The following SIK2 variants were observed in gnomAD, a reference collection of about 807,000 sequenced individuals.
SIK2 encodes the protein serine/threonine-protein kinase SIK2.
Under a neutral mutation model 103.2 loss-of-function variants are expected in SIK2, and 29 were observed. The ratio of observed to expected loss-of-function variants is 0.28; its 90% confidence interval spans 0.21 to 0.38. The LOEUF (loss-of-function observed/expected upper bound fraction) is 0.38. SIK2 is among the 10% of genes least tolerant of loss of function. The pLI, the probability that SIK2 is intolerant of heterozygous loss-of-function variation, is 1.00. For synonymous variants in SIK2, 412 were observed against 446.1 expected (o/e 0.92, Z 0.96); for missense variants, 879 against 1,171.0 (o/e 0.75, Z 3.64).
chr11:111,704,993 C>T lies in SIK2; in HGVS notation c.955C>T (p.Gln319Ter), dbSNP rs1378163924. 6.2e-7 allele frequency: 1 copy of T among 1,600,860 alleles called. No homozygotes were observed. Among genetic ancestry groups the T allele is most frequent in the Admixed American group, 1.7e-5 (1 of 57,384 alleles). ...IDQQKTIESL[Q>*]NKSYNHFAAI... is the part of the protein sequence containing the mutation. ...CACTTGTTTTTTATTTCAGTCTTTG[C>T]AGAACAAGAGCTATAACCACTTTGC... Residue 319 changes from glutamine (Q) to a stop codon, truncating the protein, a stop_gained, in exon 8 of 15, where the codon CAG (glutamine) becomes TAG (stop). Transcript: ENST00000304987. LOFTEE classifies it high-confidence loss of function.
intron 4 of SIK2, among the ~76,000 whole-genome samples, chr11:111,699,700 G>T (rs182276116): frequency 2.3e-4 from 35 of 152,292 alleles, no homozygotes; most frequent in Non-Finnish European, 4.6e-4. Flanking sequence ...TTTGCCTAAG[G>T]TGCACATGTA....
chr11:111,632,689 C>T (rs968956584), intron 3 of SIK2, among the ~76,000 whole-genome samples: 4 of 152,004 alleles, frequency 2.6e-5, no homozygotes, highest in Non-Finnish European at 4.4e-5. Flanking sequence ...GATTATATGC[C>T]GCCTTAGAGT....
chr11:111,628,381 C>T (rs1406765251), intron 3 of SIK2, among the ~76,000 whole-genome samples: 1 of 136,680 alleles, frequency 7.3e-6, no homozygotes, highest in East Asian at 2.3e-4. Flanking sequence ...CCACTCCTCC[C>T]CCATTTTCTC....
intron 3 of SIK2, among the ~76,000 whole-genome samples, chr11:111,621,873 A>G (rs1260725924): frequency 2.0e-5 from 3 of 152,042 alleles, no homozygotes; most frequent in Non-Finnish European, 2.9e-5. Context: ...CGACCGCACC[A>G]CTGTACTTTA....
At chr11:111,715,242 T>C (rs1943606216) in intron 9 of SIK2, among the ~76,000 whole-genome samples, 1 of 152,384 alleles carries the variant, frequency 6.6e-6, no homozygotes, top group Non-Finnish European at 1.5e-5. Flanking sequence ...GTTTTATTTA[T>C]GTCAGCAAAA....
In SIK2 at chr11:111,728,817, G is replaced by T. The variant is rs1009169868; in HGVS notation, c.*4688G>T. The T allele has an allele frequency of 6.6e-6, 1 of 152,048 alleles. No homozygotes were observed. The highest frequency in any genetic ancestry group is 2.0e-4 in the East Asian group (1 of 5,116). The allele number at this position is 152,048 out of a possible 1,614,324, so 9.4% of individuals were successfully genotyped here. ...TGGGCGCCTGTAGTTCCAGCTACTC[G>T]GGAGGCTGAGGCAGGAGAATGGCGT... On this transcript the variant is annotated 3_prime_UTR_variant, in exon 15 of 15. Coordinates refer to ENST00000304987, the MANE Select transcript of SIK2 (RefSeq NM_015191.3).
chr11:111,652,372 G>A (rs1409735897), intron 3 of SIK2, among the ~76,000 whole-genome samples: 1 of 152,198 alleles, frequency 6.6e-6, no homozygotes, highest in Non-Finnish European at 1.5e-5. Context: ...AGGAATGACA[G>A]AAATTGGTAG....
intron 2 of SIK2, among the ~76,000 whole-genome samples, chr11:111,619,916 T>C (rs1565311886): frequency 6.6e-6 from 1 of 152,234 alleles, no homozygotes; most frequent in East Asian, 1.9e-4. Flanking sequence ...GAATCTACCA[T>C]GATAACATAG....
intron 3 of SIK2, among the ~76,000 whole-genome samples, chr11:111,635,361 G>A (rs1591595971): frequency 6.8e-6 from 1 of 146,988 alleles, no homozygotes; most frequent in Non-Finnish European, 1.5e-5. Context: ...GAAAGAGAAA[G>A]AGAAAAGAGA....
intron 9 of SIK2, among the ~76,000 whole-genome samples, chr11:111,716,030 GTCC>G (rs1357294011): frequency 2.0e-5 from 3 of 152,036 alleles, no homozygotes; most frequent in African/African-American, 7.2e-5. Context: ...TCGAACTCCT[GTCC>G]TCAGGTGATC....
chr11:111,650,574 A>G (rs997287234), intron 3 of SIK2, among the ~76,000 whole-genome samples: 3 of 152,116 alleles, frequency 2.0e-5, no homozygotes, highest in East Asian at 1.9e-4. Flanking sequence ...AGGCCTAGGT[A>G]TCAATATCTA....
At chr11:111,676,644 T>C (rs983614849) in intron 3 of SIK2, among the ~76,000 whole-genome samples, 1 of 152,208 alleles carries the variant, frequency 6.6e-6, no homozygotes, top group African/African-American at 2.4e-5. Flanking sequence ...AATGATGATG[T>C]CTTAGATCTC....
chr11:111,606,891 G>T (rs1941655671), intron 1 of SIK2, among the ~76,000 whole-genome samples: 1 of 151,298 alleles, frequency 6.6e-6, no homozygotes, highest in Admixed American at 6.6e-5. Context: ...ATGCAGATGG[G>T]TTGCTTGAGG....
chr11:111,686,686 G>C (rs1351357189), intron 3 of SIK2, among the ~76,000 whole-genome samples: 1 of 152,208 alleles, frequency 6.6e-6, no homozygotes, highest in East Asian at 1.9e-4. Flanking sequence ...ATGTTAATGA[G>C]TGGTAATGTT....
intron 3 of SIK2, among the ~76,000 whole-genome samples, chr11:111,635,020 A>G (rs972054013): frequency 3.9e-5 from 6 of 152,206 alleles, no homozygotes; most frequent in Non-Finnish European, 5.9e-5. Context: ...GATATGTATA[A>G]TAGTTATCTT....
Position 111,602,899 on chromosome 11 carries a change from G to T in SIK2, c.135+201G>T, listed in dbSNP as rs1263564356. Among the ~76,000 whole-genome samples the T allele has an allele frequency of 6.6e-6, 1 of 152,116 alleles. No individual in the cohort carries two copies. The highest frequency in any genetic ancestry group is 1.5e-5 in the Non-Finnish European group (1 of 67,994). ...CGAAGGGATCGGGCCCGGGCACCCG[G>T]ACCCGAGTGTCGTCCGACTGGAAAC... On this transcript the variant is annotated intron_variant, in intron 1 of 14. Transcript: ENST00000304987. The surrounding 1 kb of genome is among the most constrained non-coding windows in gnomAD (Gnocchi z 4.5).
intron 3 of SIK2, among the ~76,000 whole-genome samples, chr11:111,668,954 G>T (rs1565343749): frequency 6.6e-6 from 1 of 152,190 alleles, no homozygotes; most frequent in Non-Finnish European, 1.5e-5. Context: ...TAAGATTAGA[G>T]TGGCATCATA....
At chr11:111,712,457 T>C in intron 9 of SIK2, 82 bp downstream of exon 9, 4 of 1,420,360 alleles carry the variant, frequency 2.8e-6, no homozygotes, top group Non-Finnish European at 1.9e-6. Flanking sequence ...ACTTTGGCTT[T>C]ATTGAACTTT....
intron 8 of SIK2, among the ~76,000 whole-genome samples, chr11:111,708,025 T>C (rs1943397574): frequency 6.6e-6 from 1 of 152,222 alleles, no homozygotes; most frequent in African/African-American, 2.4e-5. Context: ...TCCTAGCCAC[T>C]GTGGCTTCAG....
Sources: allele counts gnomAD v4.1 joint callset (sites outside exome capture counted in the v4.1 genomes callset), GRCh38; gene constraint gnomAD v4.1.1; non-coding constraint Gnocchi (gnomAD v3.1); transcripts MANE v1.5; gene names NCBI Gene and HGNC (gene_info 2026-07-23, HGNC 2026-07-21).